The following MACROH2A1 variants were observed in gnomAD, a reference collection of about 807,000 sequenced individuals.
The protein encoded by MACROH2A1 is core histone macro-H2A.1.
MACROH2A1 carries 2 observed loss-of-function variants against 31.6 expected under a neutral mutation model. The observed-to-expected ratio is 0.06, with a 90% CI of 0.03 to 0.20. The LOEUF (loss-of-function observed/expected upper bound fraction) is 0.20. MACROH2A1 is among the 10% of genes least tolerant of loss of function. MACROH2A1 has a pLI of 1.00. For synonymous variants in MACROH2A1, 169 were observed against 189.6 expected (o/e 0.89, Z 0.89); for missense variants, 230 against 474.0 (o/e 0.49, Z 4.78).
At chr5:135,340,570 C>G (rs926453855) in intron 8 of MACROH2A1, among the ~76,000 whole-genome samples, 1 of 152,212 alleles carries the variant, frequency 6.6e-6, no homozygotes, top group African/African-American at 2.4e-5. Flanking sequence ...CAGGGCCTCA[C>G]AGGCTGGAGG....
chr5:135,348,023 G>A (rs773602044), intron 6 of MACROH2A1, among the ~76,000 whole-genome samples: 7 of 152,178 alleles, frequency 4.6e-5, no homozygotes, highest in Non-Finnish European at 8.8e-5. Context: ...TAGGAAGAGT[G>A]TTTAAAATTT....
intron 2 of MACROH2A1, among the ~76,000 whole-genome samples, chr5:135,384,654 C>G (rs779569): frequency 0.052 from 7,892 of 152,244 alleles, 264 homozygotes; most frequent in African/African-American, 0.082. Flanking sequence ...GGAAAAAGAA[C>G]AAGATTACTG....
At chr5:135,367,876 C>T (rs763026183) in intron 4 of MACROH2A1, among the ~76,000 whole-genome samples, 45 of 152,168 alleles carry the variant, frequency 3.0e-4, no homozygotes, top group Admixed American at 2.6e-4. Context: ...TTCCCTTCCC[C>T]GCCCTCCTCC....
chr5:135,343,084 C>T (rs1421958521), intron 8 of MACROH2A1, 176 bp downstream of exon 8: 1 of 1,463,932 alleles, frequency 6.8e-7, no homozygotes, highest in Non-Finnish European at 9.1e-7. Context: ...TTGGGTCTCT[C>T]TAATTGTCCC....
chr5:135,357,793 A>G, intron 5 of MACROH2A1: 4 of 980,424 alleles, frequency 4.1e-6, no homozygotes, highest in Non-Finnish European at 4.8e-6. Context: ...AAAATCAGAG[A>G]GTAATGGCTA....
chr5:135,338,354 G>C (rs1343740368), intron 8 of MACROH2A1, among the ~76,000 whole-genome samples: 1 of 152,174 alleles, frequency 6.6e-6, no homozygotes, highest in Non-Finnish European at 1.5e-5. Flanking sequence ...TCAGAGTCTG[G>C]GACAAGAAAA....
At chr5:135,343,501 A>G (rs751022471) in intron 7 of MACROH2A1, 67 bp from the exon 8 acceptor site, 20 of 1,592,636 alleles carry the variant, frequency 1.3e-5, no homozygotes, top group Non-Finnish European at 1.5e-5. Flanking sequence ...GATGCCAAAC[A>G]CAGACCCACT....
At chr5:135,343,549 C>A (rs1760295389) in intron 7 of MACROH2A1, 115 bp from the exon 8 acceptor site, 1 of 1,489,336 alleles carries the variant, frequency 6.7e-7, no homozygotes. Context: ...CCTCCAATGC[C>A]CTGTGTCCGA....
intron 6 of MACROH2A1, chr5:135,351,491 A>T (rs1414823228): frequency 6.9e-6 from 1 of 145,720 alleles, no homozygotes; most frequent in Non-Finnish European, 1.5e-5. Flanking sequence ...ATCTCTATCA[A>T]TATTTTTCCA....
At chr5:135,392,590 A>G (rs1462437243) in intron 1 of MACROH2A1, among the ~76,000 whole-genome samples, 1 of 152,204 alleles carries the variant, frequency 6.6e-6, no homozygotes, top group African/African-American at 2.4e-5. Context: ...TTGAAAACCA[A>G]CTCATAGTTG....
intron 7 of MACROH2A1, chr5:135,345,282 G>T (rs1380214900): frequency 6.6e-6 from 1 of 152,104 alleles, no homozygotes; most frequent in East Asian, 1.9e-4. Context: ...GGATTTAAAA[G>T]ACACAATAGG....
intron 5 of MACROH2A1, chr5:135,356,035 T>C (rs1365961017): frequency 6.6e-6 from 1 of 152,188 alleles, no homozygotes; most frequent in African/African-American, 2.4e-5. Flanking sequence ...TAAGGATCAT[T>C]AATGGTTTCA....
chr5:135,347,582 A>C (rs1176386671), intron 6 of MACROH2A1: 3 of 152,252 alleles, frequency 2.0e-5, no homozygotes, highest in Non-Finnish European at 1.5e-5. Context: ...TGTTTCTAGT[A>C]AAGTCAGCAT....
At chr5:135,396,646 G>C (rs1561683652) in intron 1 of MACROH2A1, among the ~76,000 whole-genome samples, 1 of 151,976 alleles carries the variant, frequency 6.6e-6, no homozygotes, top group Non-Finnish European at 1.5e-5. Context: ...CTCCTGGCTA[G>C]GTTACTGTAC....
At chr5:135,364,595 C>T (rs750294565) in intron 4 of MACROH2A1, among the ~76,000 whole-genome samples, 9 of 152,214 alleles carry the variant, frequency 5.9e-5, no homozygotes, top group Non-Finnish European at 1.2e-4. Context: ...ATTGGACACT[C>T]GCCCAGCTTT....
intron 2 of MACROH2A1, among the ~76,000 whole-genome samples, chr5:135,380,923 C>A (rs72804125): frequency 0.023 from 3,490 of 152,284 alleles, 65 homozygotes; most frequent in Middle Eastern, 0.044. Flanking sequence ...TATCCTTTGA[C>A]AGCATGTGGA....
rs111545447 is a variant in MACROH2A1, at chr5:135,359,092, C to T, written c.588+1405G>A. Reference sequence around the variant, plus strand: ...CTGCTACTTTGGAAATATTTTAGTTCATCCAGCAAGGGAGGTATGAGGAAT... The same window carrying T: ...CTGCTACTTTGGAAATATTTTAGTTTATCCAGCAAGGGAGGTATGAGGAAT... On this transcript the variant is annotated intron_variant, in intron 5 of 8. Transcript: ENST00000511689. 5.5e-3 allele frequency: 5,379 copies of T among 985,360 alleles called. 236 individuals carry two copies. The African/African-American group carries it at 0.087, about 16-fold the overall frequency. 61.0% of individuals were successfully genotyped at this position (985,360 alleles called of 1,614,324 possible). A position where few individuals can be genotyped will look rare whatever the true frequency, so the allele number is the denominator to read the frequency against.
chr5:135,343,157 AG>A, intron 8 of MACROH2A1, 102 bp downstream of exon 8: 1 of 1,594,098 alleles, frequency 6.3e-7, no homozygotes, highest in East Asian at 2.2e-5. Flanking sequence ...TGGTTAAGGC[AG>A]CCTCCGTGGG....
rs541106387 is a variant in MACROH2A1, at chr5:135,395,650, A to G, written c.-34+3412T>C. On this transcript the variant is annotated intron_variant, in intron 1 of 8. Transcript: ENST00000511689. ...ATCACACCAAATGATTAACGGTGTC[A>G]CCCGCTGTCATGTCCCCAGAGGCAT... Among the ~76,000 whole-genome samples, 4 of 152,262 alleles carry G rather than the reference A, an allele frequency of 2.6e-5. No individual in the cohort carries two copies. In the South Asian group the frequency reaches 8.3e-4, roughly 32 times the overall value.
Sources: allele counts gnomAD v4.1 joint callset (sites outside exome capture counted in the v4.1 genomes callset), GRCh38; gene constraint gnomAD v4.1.1; transcripts MANE v1.5; gene names NCBI Gene and HGNC (gene_info 2026-07-23, HGNC 2026-07-21).